LCMT1: variants seen among roughly 807,000 people sequenced by gnomAD.
LCMT1 encodes leucine carboxyl methyltransferase 1, also known as [Phosphatase 2A protein]-leucine-carboxy methyltransferase 1.
LCMT1 carries 32 observed loss-of-function variants against 47.7 expected under a neutral mutation model. That is an observed-to-expected ratio of 0.67 (90% CI 0.51 to 0.90). LCMT1 has a LOEUF of 0.90. Ranked by LOEUF, LCMT1 falls within the 40% of genes least tolerant of loss-of-function variation. The probability of loss-of-function intolerance (pLI) is 0.00; values close to 1 mark genes in which losing one functional copy is unlikely to be tolerated. For synonymous variants in LCMT1, 152 were observed against 149.7 expected (o/e 1.02, Z -0.11); for missense variants, 375 against 415.2 (o/e 0.90, Z 0.84).
intron 1 of LCMT1, among the ~76,000 whole-genome samples, chr16:25,123,223 C>CTTTTT (rs750991801): frequency 3.9e-4 from 45 of 116,166 alleles, no homozygotes; most frequent in South Asian, 5.5e-4. Flanking sequence ...TATATAACTT[C>CTTTTT]TTTTTTTTTT....
At chr16:25,170,668 C>T in intron 8 of LCMT1, 46 bp from the exon 9 acceptor site, 1 of 1,413,268 alleles carries the variant, frequency 7.1e-7, no homozygotes, top group South Asian at 1.2e-5. Flanking sequence ...TAAGCCGGTG[C>T]CTGGTAGTTC....
At chr16:25,153,883 G>A (rs1197758410) in intron 5 of LCMT1, among the ~76,000 whole-genome samples, 1 of 152,102 alleles carries the variant, frequency 6.6e-6, no homozygotes, top group Non-Finnish European at 1.5e-5. Context: ...AACCTGGGAG[G>A]CGGAGGTTGC....
chr16:25,167,322 C>CT lies in LCMT1; in HGVS notation c.691-1778dup, dbSNP rs1399385044. ...TTGTTTGCTTTTCCTTTTTTTTGGT[C>CT]TTTTTTTTTTTTAGAGACAGGGTCT... On this transcript the variant is annotated intron_variant, in intron 7 of 10. Coordinates refer to ENST00000399069, the MANE Select transcript of LCMT1 (RefSeq NM_016309.3). Among the ~76,000 whole-genome samples, 151 of 144,444 alleles carry CT rather than the reference C, an allele frequency of 1.0e-3. 1 individual carries two copies. Among genetic ancestry groups the CT allele is most frequent in the African/African-American group, 1.7e-3 (68 of 39,612 alleles). 94.8% of individuals were successfully genotyped at this position (144,444 alleles called of 152,430 possible). A position where few individuals can be genotyped will look rare whatever the true frequency, so the allele number is the denominator to read the frequency against.
intron 2 of LCMT1, among the ~76,000 whole-genome samples, chr16:25,130,098 T>C (rs926386206): frequency 6.6e-6 from 1 of 152,154 alleles, no homozygotes; most frequent in Non-Finnish European, 1.5e-5. Flanking sequence ...TCCAGCACTT[T>C]GGGAGGCCGA....
intron 1 of LCMT1, among the ~76,000 whole-genome samples, chr16:25,125,364 G>C (rs1960133690): frequency 6.6e-6 from 1 of 152,206 alleles, no homozygotes; most frequent in South Asian, 2.1e-4. Context: ...GCCCATACTT[G>C]ATTTTCTTAG....
At chr16:25,132,145 T>A in intron 2 of LCMT1, 1 of 513,552 alleles carries the variant, frequency 1.9e-6, no homozygotes, top group Non-Finnish European at 3.6e-6. Context: ...TTTTCATACA[T>A]AAAACTATAG....
intron 5 of LCMT1, among the ~76,000 whole-genome samples, chr16:25,157,011 G>A (rs1961280068): frequency 6.8e-6 from 1 of 146,908 alleles, no homozygotes; most frequent in Admixed American, 7.0e-5. Flanking sequence ...ACTTTGCAAT[G>A]CTTATCAACA....
chr16:25,156,666 G>A (rs939624280), intron 5 of LCMT1, among the ~76,000 whole-genome samples: 3 of 152,130 alleles, frequency 2.0e-5, no homozygotes, highest in Non-Finnish European at 2.9e-5. Context: ...TCATAAAGCC[G>A]GCTGAGAATT....
At chr16:25,127,729 G>A (rs115200661) in intron 1 of LCMT1, among the ~76,000 whole-genome samples, 1,950 of 152,260 alleles carry the variant, frequency 0.013, 34 homozygotes, top group African/African-American at 0.045. Flanking sequence ...TCACAAAATC[G>A]ATGTTCAGAG....
intron 4 of LCMT1, chr16:25,145,060 A>G (rs1198720999): frequency 6.6e-6 from 1 of 152,216 alleles, no homozygotes; most frequent in African/African-American, 2.4e-5. Context: ...TGGAATCCAA[A>G]TACTACAGAA....
intron 3 of LCMT1, among the ~76,000 whole-genome samples, chr16:25,132,858 CTT>C (rs34311865): frequency 0.23 from 32,669 of 140,354 alleles, 3,625 homozygotes; most frequent in East Asian, 0.34. Flanking sequence ...GCATTTGTAA[CTT>C]TTTTTTTTTT....
In LCMT1 at chr16:25,111,959, G is replaced by C; in HGVS notation, c.76G>C (p.Val26Leu). ...TSSCDADDEGVRGTCEDASLC... is the reference protein window; with the variant it reads ...TSSCDADDEGLRGTCEDASLC... Reference sequence around the variant, plus strand: ...GAGCTGCGACGCAGACGACGAGGGCGTGCGCGGCACCTGCGAAGATGCTTC... The same window carrying C: ...GAGCTGCGACGCAGACGACGAGGGCCTGCGCGGCACCTGCGAAGATGCTTC... Residue 26 changes from valine (V) to leucine (L), a missense_variant, in exon 1 of 11, where the codon GTG (valine) becomes CTG (leucine). Val to Leu is a conservative substitution (Grantham distance 32). Transcript: ENST00000399069. The C allele has an allele frequency of 6.2e-7, 1 of 1,613,588 alleles. No homozygotes were observed. Among genetic ancestry groups the C allele is most frequent in the East Asian group, 2.2e-5 (1 of 44,872 alleles).
At chr16:25,172,243 G>A (rs771454360) in intron 9 of LCMT1, among the ~76,000 whole-genome samples, 4 of 151,356 alleles carry the variant, frequency 2.6e-5, no homozygotes, top group South Asian at 4.2e-4. Context: ...GGAGGCGGAG[G>A]TTGCAGTGAG....
intron 2 of LCMT1, chr16:25,132,187 T>G: frequency 3.8e-5 from 21 of 559,560 alleles, no homozygotes; most frequent in Non-Finnish European, 4.5e-5. Context: ...AATTGCTTCA[T>G]GAAATAGATT....
intron 8 of LCMT1, among the ~76,000 whole-genome samples, chr16:25,170,213 C>A (rs1241273528): frequency 6.6e-6 from 1 of 150,456 alleles, no homozygotes; most frequent in Non-Finnish European, 1.5e-5. Flanking sequence ...GAGTGAGCCT[C>A]CGTCTCAAAA....
At chr16:25,175,988 C>T (rs1025452779) in intron 10 of LCMT1, among the ~76,000 whole-genome samples, 1 of 152,120 alleles carries the variant, frequency 6.6e-6, no homozygotes, top group South Asian at 2.1e-4. Context: ...AAGTAACCGG[C>T]GTTTGTCTTT....
rs528721033 is a variant in LCMT1, at chr16:25,111,775, C to T, written c.-109C>T. 2 of 748,554 alleles carry T rather than the reference C, an allele frequency of 2.7e-6. No homozygotes were observed. The highest frequency in any genetic ancestry group is 2.1e-5 in the Admixed American group (1 of 47,546). 46.4% of individuals were successfully genotyped at this position (748,554 alleles called of 1,614,324 possible). On this transcript the variant is annotated 5_prime_UTR_variant, in exon 1 of 11. Coordinates refer to ENST00000399069, the MANE Select transcript of LCMT1 (RefSeq NM_016309.3). ...GCCGCGCCAGCTGAGCCAGGTAGGG[C>T]CCTACCCTCTTCTGTTGCTTTCTCC...
In LCMT1 at chr16:25,111,799, C is replaced by G; in HGVS notation, c.-85C>G. ...GCCCTACCCTCTTCTGTTGCTTTCT[C>G]CCTGTGGCTCGCGCCGTCCCCCGCC... is the stretch of plus-strand genomic sequence containing the variant. On this transcript the variant is annotated 5_prime_UTR_variant, in exon 1 of 11. Transcript: ENST00000399069. 1 of 903,186 alleles carries G rather than the reference C, an allele frequency of 1.1e-6. No individual in the cohort carries two copies. Among genetic ancestry groups the G allele is most frequent in the South Asian group, 1.4e-5 (1 of 70,260 alleles). 55.9% of individuals were successfully genotyped at this position (903,186 alleles called of 1,614,324 possible). A position where few individuals can be genotyped will look rare whatever the true frequency, so the allele number is the denominator to read the frequency against.
chr16:25,170,584 C>T (rs1961727398), intron 8 of LCMT1, 130 bp from the exon 9 acceptor site: 2 of 681,368 alleles, frequency 2.9e-6, no homozygotes, highest in East Asian at 2.8e-5. Context: ...GAGCTGTGAT[C>T]ACACCACTGC....
Sources: gnomAD v4.1 joint callset for allele counts (sites outside exome capture counted in the v4.1 genomes callset) on GRCh38, gnomAD v4.1.1 for gene constraint, MANE v1.5 for transcripts, NCBI Gene and HGNC (gene_info 2026-07-23, HGNC 2026-07-21) for gene names.